DCDC1: variants seen among roughly 807,000 people sequenced by gnomAD.
DCDC1 encodes doublecortin domain-containing protein 1.
A neutral mutation model predicts 178.3 loss-of-function variants in DCDC1; 200 were observed. That is an observed-to-expected ratio of 1.12 (90% CI 1.00 to 1.26). DCDC1 has a LOEUF of 1.26. Ranked by LOEUF, DCDC1 falls within the 50% of genes most tolerant of loss-of-function variation. DCDC1 has a pLI of 0.00. For synonymous variants in DCDC1, 690 were observed against 604.8 expected (o/e 1.14, Z -2.07); for missense variants, 1,983 against 1,749.2 (o/e 1.13, Z -2.38).
At chr11:31,211,467 G>C in intron 9 of DCDC1, among the ~76,000 whole-genome samples, 1 of 152,126 alleles carries the variant, frequency 6.6e-6, no homozygotes, top group African/African-American at 2.4e-5. Flanking sequence ...CACCTGCACT[G>C]TTTTAAGTTG....
At chr11:31,238,792 T>C (rs1292951595) in intron 9 of DCDC1, among the ~76,000 whole-genome samples, 1 of 152,114 alleles carries the variant, frequency 6.6e-6, no homozygotes, top group African/African-American at 2.4e-5. Context: ...ATGTGATAAA[T>C]GTATGTCTAA....
rs377647904 is a variant in DCDC1, at chr11:31,106,832, C to T, written c.1716G>A (p.Glu572=). 9 of 765,974 alleles carry T rather than the reference C, an allele frequency of 1.2e-5. No homozygotes were observed. Among genetic ancestry groups the T allele is most frequent in the Non-Finnish European group, 1.9e-5 (8 of 417,768 alleles). The allele number at this position is 765,974 out of a possible 1,614,324, so 47.4% of individuals were successfully genotyped here. A position where few individuals can be genotyped will look rare whatever the true frequency, so the allele number is the denominator to read the frequency against. ...EIKNPLSLKN[E]QKIWVSYGRA... ...TACCATAAGAGACCCAAATTTTTTG[C>T]TCATTCTTCAGCGAAAGTGGATTCT... The change falls in exon 13 of 39, where the codon GAG becomes GAA. Residue 572 remains glutamate (E), a synonymous_variant. Coordinates refer to ENST00000684477, the MANE Select transcript of DCDC1 (RefSeq NM_001387274.1).
At chr11:31,362,974 A>C (rs1466692671) in intron 1 of DCDC1, among the ~76,000 whole-genome samples, 1 of 152,160 alleles carries the variant, frequency 6.6e-6, no homozygotes, top group East Asian at 1.9e-4. Flanking sequence ...AGACTATAGT[A>C]ACCCTGATGC....
chr11:31,208,495 T>C (rs568903343), intron 9 of DCDC1, among the ~76,000 whole-genome samples: 23 of 152,192 alleles, frequency 1.5e-4, no homozygotes, highest in Non-Finnish European at 2.5e-4. Context: ...TGGAGGTTTG[T>C]CTGTCTCCGC....
At chr11:30,893,135 A>C (rs969242485) in intron 35 of DCDC1, 138 bp from the exon 36 acceptor site, 69 of 876,134 alleles carry the variant, frequency 7.9e-5, no homozygotes, top group Non-Finnish European at 1.1e-4. Context: ...TATTAAGTAC[A>C]TTAGCCTCTC....
rs114603874 is a variant in DCDC1 at position 31,231,554 on chromosome 11, A to G, written c.1221+9896T>C. On this transcript the variant is annotated intron_variant, in intron 9 of 38. Transcript: ENST00000684477. ...TTCTCAAGCAGAATCATTTTAGTAAAAAGTGCATATAGGAGTTGGGAATCT... is the reference window on the plus strand; with the variant it reads ...TTCTCAAGCAGAATCATTTTAGTAAGAAGTGCATATAGGAGTTGGGAATCT... Among the ~76,000 whole-genome samples, 1,048 of 152,276 alleles carry G rather than the reference A, an allele frequency of 6.9e-3. 15 individuals carry two copies. Among genetic ancestry groups the G allele is most frequent in the African/African-American group, 0.024 (994 of 41,548 alleles).
At chr11:30,990,901 G>A (rs769462390) in intron 20 of DCDC1, among the ~76,000 whole-genome samples, 3 of 152,162 alleles carry the variant, frequency 2.0e-5, no homozygotes, top group Non-Finnish European at 2.9e-5. Flanking sequence ...CCATTCTTGT[G>A]ACATTTTCCA....
intron 1 of DCDC1, among the ~76,000 whole-genome samples, chr11:31,350,795 T>C (rs1431487871): frequency 6.6e-6 from 1 of 152,162 alleles, no homozygotes; most frequent in Non-Finnish European, 1.5e-5. Context: ...AAATTATATT[T>C]ATGTATCACA....
intron 20 of DCDC1, among the ~76,000 whole-genome samples, chr11:30,985,131 C>G (rs1313205814): frequency 1.3e-5 from 2 of 152,168 alleles, no homozygotes; most frequent in Non-Finnish European, 2.9e-5. Flanking sequence ...GTTTCCCACA[C>G]TTCAAGTCTT....
chr11:31,017,842 A>C (rs1238093545), intron 20 of DCDC1, among the ~76,000 whole-genome samples: 1 of 152,180 alleles, frequency 6.6e-6, no homozygotes, highest in Non-Finnish European at 1.5e-5. Flanking sequence ...GTCCTCCCAC[A>C]TTGGCCTCCA....
At chr11:31,032,648 AG>A (rs1249824831) in intron 20 of DCDC1, among the ~76,000 whole-genome samples, 3 of 152,198 alleles carry the variant, frequency 2.0e-5, no homozygotes, top group Non-Finnish European at 4.4e-5. Flanking sequence ...TACAAATAAC[AG>A]GCATACAAAC....
intron 18 of DCDC1, among the ~76,000 whole-genome samples, chr11:31,074,256 CTGACTT>C (rs1956736374): frequency 6.6e-6 from 1 of 152,140 alleles, no homozygotes; most frequent in African/African-American, 2.4e-5. Flanking sequence ...TCACTGTAAA[CTGACTT>C]TGGAGTTACG....
chr11:31,189,038 A>T (rs141851257), intron 9 of DCDC1, among the ~76,000 whole-genome samples: 34 of 152,340 alleles, frequency 2.2e-4, no homozygotes, highest in Non-Finnish European at 4.4e-4. Flanking sequence ...GCAAGCCCTC[A>T]TCAGACACCG....
At chr11:31,159,025 C>A (rs576694123) in intron 9 of DCDC1, among the ~76,000 whole-genome samples, 71 of 151,468 alleles carry the variant, frequency 4.7e-4, no homozygotes, top group East Asian at 3.5e-3. Flanking sequence ...TACAAAAAAA[C>A]CCCAAAAAAT....
At chr11:30,959,204 G>A (rs138543121) in intron 20 of DCDC1, among the ~76,000 whole-genome samples, 108 of 152,208 alleles carry the variant, frequency 7.1e-4, no homozygotes, top group Non-Finnish European at 1.4e-3. Context: ...AGACTGCAAC[G>A]GATGACCACA....
intron 9 of DCDC1, among the ~76,000 whole-genome samples, chr11:31,209,938 G>C (rs898945693): frequency 6.6e-6 from 1 of 152,176 alleles, no homozygotes; most frequent in Non-Finnish European, 1.5e-5. Context: ...TGTGGGACCA[G>C]AGAAAACAAA....
At chr11:31,234,096 C>T (rs1224833197) in intron 9 of DCDC1, among the ~76,000 whole-genome samples, 1 of 152,170 alleles carries the variant, frequency 6.6e-6, no homozygotes, top group Admixed American at 6.6e-5. Context: ...ACATTTACTT[C>T]CCAGTCACAC....
intron 7 of DCDC1, among the ~76,000 whole-genome samples, chr11:31,269,954 G>A (rs527644717): frequency 3.3e-5 from 5 of 152,214 alleles, no homozygotes; most frequent in South Asian, 2.1e-4. Flanking sequence ...CAACATCACC[G>A]TAGGTCATAT....
intron 38 of DCDC1, among the ~76,000 whole-genome samples, chr11:30,877,582 A>C (rs1942250920): frequency 6.6e-6 from 1 of 152,082 alleles, no homozygotes. Flanking sequence ...TAAGTTTTTG[A>C]ATTGAGGACA....
Sources: gnomAD v4.1 joint callset for allele counts (sites outside exome capture counted in the v4.1 genomes callset) on GRCh38, gnomAD v4.1.1 for gene constraint, MANE v1.5 for transcripts, NCBI Gene and HGNC (gene_info 2026-07-23, HGNC 2026-07-21) for gene names.